RALGAPA1: variants seen among roughly 807,000 people sequenced by gnomAD.
RALGAPA1 encodes ral GTPase-activating protein subunit alpha-1.
A neutral mutation model predicts 269.6 loss-of-function variants in RALGAPA1; 52 were observed. That is an observed-to-expected ratio of 0.19 (90% CI 0.15 to 0.24). RALGAPA1 has a LOEUF of 0.24. Among genes scored for constraint, RALGAPA1 ranks in the 10% least tolerant of loss-of-function variants. The pLI, the probability that RALGAPA1 is intolerant of heterozygous loss-of-function variation, is 1.00. For synonymous variants in RALGAPA1, 817 were observed against 1,008.3 expected (o/e 0.81, Z 3.60); for missense variants, 1,917 against 3,013.9 (o/e 0.64, Z 8.52).
At chr14:35,585,862 G>A (rs1243262207) in intron 37 of RALGAPA1, among the ~76,000 whole-genome samples, 1 of 152,214 alleles carries the variant, frequency 6.6e-6, no homozygotes, top group East Asian at 1.9e-4. Context: ...TAGCCTTGTA[G>A]TATAGTTTGA....
intron 5 of RALGAPA1, among the ~76,000 whole-genome samples, chr14:35,762,245 GTTTT>G (rs528378682): frequency 2.0e-5 from 3 of 147,978 alleles, no homozygotes; most frequent in African/African-American, 5.0e-5. Flanking sequence ...CTCTTGCTAC[GTTTT>G]TTTTTTGTTT....
chr14:35,656,070 T>C (rs539695135), intron 28 of RALGAPA1, among the ~76,000 whole-genome samples, 155 bp from the exon 29 acceptor site: 1 of 152,230 alleles, frequency 6.6e-6, no homozygotes, highest in African/African-American at 2.4e-5. Context: ...GAAGAGAAAG[T>C]ATGAAGAAAG....
intron 25 of RALGAPA1, 82 bp downstream of exon 25, chr14:35,672,785 A>G (rs2064580938): frequency 7.6e-7 from 1 of 1,308,994 alleles, no homozygotes; most frequent in Non-Finnish European, 1.0e-6. Context: ...TAGACCTTAA[A>G]AAGCAAGAGT....
intron 16 of RALGAPA1, among the ~76,000 whole-genome samples, chr14:35,702,999 C>T (rs998371347): frequency 7.9e-5 from 12 of 152,082 alleles, no homozygotes; most frequent in Non-Finnish European, 1.6e-4. Flanking sequence ...TTTGATTCCA[C>T]AGATAAATTA....
Position 35,689,035 on chromosome 14 carries a change from T to C in RALGAPA1, c.3376A>G (p.Lys1126Glu). The C allele has an allele frequency of 8.1e-7, 1 of 1,236,122 alleles. No individual in the cohort carries two copies. Among genetic ancestry groups the C allele is most frequent in the Non-Finnish European group, 1.0e-6 (1 of 990,274 alleles). 76.6% of individuals were successfully genotyped at this position (1,236,122 alleles called of 1,614,324 possible). The change falls in exon 18 of 42, where the codon AAA becomes GAA. Residue 1126 changes from lysine to glutamate, a missense_variant. Physicochemically the swap from Lys to Glu is moderately conservative, Grantham distance 56 (BLOSUM62 1). Around this residue, in one of 11 missense-constraint regions of RALGAPA1, gnomAD observed 615 missense variants for 790.0 expected, o/e 0.78. Transcript: ENST00000680220. ...VTSTSKLSPT[K>E]RSLSETVTHR... The stretch of plus-strand genomic sequence containing the variant: ...GTTACTGTTTCAGACAAGCTCCTTT[T>C]AGTTGGAGAAAGTTTGCTAGTACTT...
chr14:35,607,279 A>G (rs568793229), intron 35 of RALGAPA1, among the ~76,000 whole-genome samples: 2 of 152,280 alleles, frequency 1.3e-5, no homozygotes, highest in Admixed American at 1.3e-4. Flanking sequence ...TGCCCTGGGC[A>G]TTCTACTCAG....
chr14:35,605,624 G>T lies in RALGAPA1; in HGVS notation c.7015C>A (p.Gln2339Lys). The change falls in exon 36 of 42, where the codon CAA (glutamine) becomes AAA (lysine). Residue 2339 changes from glutamine to lysine, a missense_variant. By Grantham distance (53) the Gln-to-Lys change is moderately conservative (BLOSUM62 1). Coordinates refer to ENST00000680220, the MANE Select transcript of RALGAPA1 (RefSeq NM_001346249.2). ...CCAGCTACAAAATCTTCATATGCTTGACTTCCTCCTGTATTGGTGAGAATG... is the reference window on the plus strand; with the variant it reads ...CCAGCTACAAAATCTTCATATGCTTTACTTCCTCCTGTATTGGTGAGAATG... The part of the protein sequence containing the change: ...HSILTNTGGS[Q>K]AYEDFVAGLG... 1.2e-6 allele frequency: 2 copies of T among 1,608,872 alleles called. No individual in the cohort carries two copies. Among genetic ancestry groups the T allele is most frequent in the East Asian group, 4.5e-5 (2 of 44,692 alleles).
intron 4 of RALGAPA1, among the ~76,000 whole-genome samples, chr14:35,764,096 T>G (rs2073952428): frequency 6.6e-6 from 1 of 151,968 alleles, no homozygotes; most frequent in South Asian, 2.1e-4. Flanking sequence ...TGTTCTTTTT[T>G]TTTTTTTTTA....
At chr14:35,660,240 C>T (rs1200523301) in intron 27 of RALGAPA1, among the ~76,000 whole-genome samples, 5 of 151,950 alleles carry the variant, frequency 3.3e-5, no homozygotes, top group Non-Finnish European at 5.9e-5. Flanking sequence ...CTACTGATGA[C>T]ATAATCTAAT....
Position 35,713,134 on chromosome 14 carries a change from A to G in RALGAPA1, c.2266+8554T>C, listed in dbSNP as rs145051286. Among the ~76,000 whole-genome samples the G allele has an allele frequency of 5.1e-3, 784 of 152,362 alleles. 3 individuals carry two copies. The highest frequency in any genetic ancestry group is 0.018 in the African/African-American group (749 of 41,584). ...CAATATCACTATGACAAGAAGGTAG[A>G]AAACGGATCTGGAGGTTGTGAAAAA... On this transcript the variant is annotated intron_variant, in intron 16 of 41. Transcript: ENST00000680220.
intron 17 of RALGAPA1, among the ~76,000 whole-genome samples, chr14:35,690,600 C>A (rs1036338403): frequency 6.6e-5 from 10 of 152,280 alleles, no homozygotes; most frequent in Admixed American, 5.2e-4. Context: ...AAATCTTATT[C>A]ACTGACATCA....
At chr14:35,645,646 C>T (rs934428652) in intron 31 of RALGAPA1, among the ~76,000 whole-genome samples, 3 of 149,686 alleles carry the variant, frequency 2.0e-5, no homozygotes, top group Non-Finnish European at 4.4e-5. Flanking sequence ...AGGAGAATGG[C>T]GTGAACCCGG....
intron 1 of RALGAPA1, among the ~76,000 whole-genome samples, chr14:35,781,113 G>C (rs1279143970): frequency 6.6e-6 from 1 of 152,148 alleles, no homozygotes; most frequent in Non-Finnish European, 1.5e-5. Context: ...CAAACTGTCA[G>C]CTAGACTGTC....
chr14:35,720,478 T>G (rs368492874), intron 16 of RALGAPA1, among the ~76,000 whole-genome samples: 2 of 152,368 alleles, frequency 1.3e-5, no homozygotes, highest in Admixed American at 6.5e-5. Flanking sequence ...AAATTAATAG[T>G]GTTTTTCACT....
chr14:35,589,123 T>C (rs1022166090), intron 37 of RALGAPA1, among the ~76,000 whole-genome samples: 1 of 152,192 alleles, frequency 6.6e-6, no homozygotes, highest in Admixed American at 6.5e-5. Context: ...ACTGCAACTT[T>C]AAGCAAAACA....
At chr14:35,704,389 T>G (rs2067620660) in intron 16 of RALGAPA1, among the ~76,000 whole-genome samples, 1 of 152,156 alleles carries the variant, frequency 6.6e-6, no homozygotes, top group Non-Finnish European at 1.5e-5. Context: ...AAAATTTATC[T>G]TAAAGCCATC....
chr14:35,786,723 A>G (rs1429403616), intron 1 of RALGAPA1, among the ~76,000 whole-genome samples: 1 of 152,208 alleles, frequency 6.6e-6, no homozygotes, highest in Admixed American at 6.5e-5. Flanking sequence ...TTGCTATTAA[A>G]TCGAAATTTT....
At chr14:35,808,359 A>G (rs2077523066) in intron 1 of RALGAPA1, among the ~76,000 whole-genome samples, 1 of 152,004 alleles carries the variant, frequency 6.6e-6, no homozygotes, top group Non-Finnish European at 1.5e-5. Context: ...CTGAGAGAGG[A>G]TTTTATTTTT....
intron 37 of RALGAPA1, among the ~76,000 whole-genome samples, chr14:35,585,951 A>T (rs2058252931): frequency 1.3e-5 from 2 of 152,152 alleles, no homozygotes; most frequent in South Asian, 4.1e-4. Flanking sequence ...TTTTGGTTCC[A>T]CGTGAACTTT....
Sources: allele counts gnomAD v4.1 joint callset (sites outside exome capture counted in the v4.1 genomes callset), GRCh38; gene constraint gnomAD v4.1.1; regional missense constraint gnomAD v4.1.1; transcripts MANE v1.5; gene names NCBI Gene and HGNC (gene_info 2026-07-23, HGNC 2026-07-21).